Variants in PARP4 observed in about 807,000 individuals in gnomAD.
PARP4 encodes the protein poly(ADP-ribose) polymerase family member 4, also known as protein mono-ADP-ribosyltransferase PARP4.
In PARP4, 120 loss-of-function variants were observed where a neutral mutation model predicts 187.7. The observed-to-expected ratio is 0.64, with a 90% confidence interval of 0.55 to 0.74. The LOEUF (loss-of-function observed/expected upper bound fraction) is 0.74. Ranked by LOEUF, PARP4 falls within the 30% of genes least tolerant of loss-of-function variation. PARP4 has a pLI of 0.00. For synonymous variants in PARP4, 654 were observed against 740.9 expected, an observed-to-expected ratio of 0.88 and a Z score of 1.90; for missense variants, 1,836 against 2,070.5, an observed-to-expected ratio of 0.89 and a Z score of 2.20.
chr13:24,449,337 G>A (rs1162085553), intron 25 of PARP4, among the ~76,000 whole-genome samples: 6 of 143,802 alleles, frequency 4.2e-5, no homozygotes, highest in South Asian at 2.2e-4. Flanking sequence ...GCAGTGAGCC[G>A]AGATGGCGCC....
At chr13:24,491,937 C>G (rs977028698) in intron 9 of PARP4, among the ~76,000 whole-genome samples, 1 of 152,124 alleles carries the variant, frequency 6.6e-6, no homozygotes, top group Non-Finnish European at 1.5e-5. Flanking sequence ...CTGCAGATCA[C>G]GAGGAAGCCA....
intron 9 of PARP4, among the ~76,000 whole-genome samples, chr13:24,491,992 G>A (rs1157848144): frequency 6.6e-6 from 1 of 152,222 alleles, no homozygotes; most frequent in Non-Finnish European, 1.5e-5. Context: ...CAGAGGGACG[G>A]AAGGAGGCTG....
At position 24,491,602 on chromosome 13, in the gene PARP4, A is replaced by G. The variant is rs1868654104; in HGVS notation, c.1054-774T>C. ...TCTATAAACTCCTCTGAAGTCTAGG[A>G]CACAAATCTCTGATCTTGGCCAAAT... On this transcript the variant is annotated intron_variant, in intron 9 of 33. Transcript: ENST00000381989. Among the ~76,000 whole-genome samples, 3 of 152,218 alleles carry G rather than the reference A, an allele frequency of 2.0e-5. No homozygotes were observed. The South Asian group carries it at 6.2e-4, about 32-fold the overall frequency.
intron 11 of PARP4, 143 bp downstream of exon 11, chr13:24,486,025 G>A: frequency 1.5e-6 from 1 of 668,068 alleles, no homozygotes; most frequent in Non-Finnish European, 2.5e-6. Flanking sequence ...TATAAAGTGT[G>A]TAATTTTCTC....
rs775105112 is a variant in PARP4, at chr13:24,501,686, G to T, written c.281C>A (p.Pro94His). ...TGGTGTGATGTCCAGGGGCTTATAAGGATCATAATTCTTTACATCCAAGAG... is the reference window on the plus strand; with the variant it reads ...TGGTGTGATGTCCAGGGGCTTATAATGATCATAATTCTTTACATCCAAGAG... ...KRLLDVKNYDPYKPLDITPPP... is the reference protein window; with the variant it reads ...KRLLDVKNYDHYKPLDITPPP... Residue 94 changes from proline (P) to histidine (H), a missense_variant, in exon 3 of 34, where the codon CCT becomes CAT. Pro to His is a moderately conservative substitution (Grantham distance 77). Around this residue, in one of 8 missense-constraint regions of PARP4, gnomAD observed 1,147 missense variants for 1,214.2 expected, o/e 0.94. Transcript: ENST00000381989. The T allele has an allele frequency of 6.2e-7, 1 of 1,613,416 alleles. No homozygotes were observed. Among genetic ancestry groups the T allele is most frequent in the Non-Finnish European group, 8.5e-7 (1 of 1,179,420 alleles).
intron 2 of PARP4, 83 bp downstream of exon 2, chr13:24,503,562 C>T: frequency 2.0e-6 from 3 of 1,491,588 alleles, no homozygotes; most frequent in Admixed American, 1.7e-5. Context: ...TGCTGCTAAT[C>T]TCTGCTTCCT....
chr13:24,502,402 G>A (rs779176801), intron 2 of PARP4, among the ~76,000 whole-genome samples: 2 of 152,136 alleles, frequency 1.3e-5, no homozygotes, highest in African/African-American at 2.4e-5. Context: ...AAATAATGAC[G>A]ACGTATTAAC....
In PARP4 at chr13:24,452,504, G is replaced by C; in HGVS notation, c.2916C>G (p.Ile972Met). ...GGAGGTGCCCATCAGACACCAGGAG[G>C]ATGTTCCGTGACCCTCGAGCAGGGT... ...LLYPARGSRN[I>M]LLVSDGHLQD... The change falls in exon 24 of 34, where the codon ATC becomes ATG. Residue 972 changes from isoleucine to methionine, a missense_variant. Coordinates refer to ENST00000381989, the MANE Select transcript of PARP4 (RefSeq NM_006437.4). 2 of 1,614,122 alleles carry C rather than the reference G, an allele frequency of 1.2e-6. No homozygotes were observed. The highest frequency in any genetic ancestry group is 1.7e-6 in the Non-Finnish European group (2 of 1,179,968).
At chr13:24,488,702 A>G (rs922503270) in intron 10 of PARP4, among the ~76,000 whole-genome samples, 6 of 152,204 alleles carry the variant, frequency 3.9e-5, no homozygotes, top group African/African-American at 1.4e-4. Flanking sequence ...AAAATTAACC[A>G]TTAAGTGTAC....
At chr13:24,500,559 G>A (rs1305314527) in intron 3 of PARP4, among the ~76,000 whole-genome samples, 177 bp from the exon 4 acceptor site, 1 of 136,538 alleles carries the variant, frequency 7.3e-6, no homozygotes, top group African/African-American at 2.7e-5. Context: ...AAAATAGGGA[G>A]AACATACTCT....
chr13:24,490,374 T>G (rs1028907193), intron 10 of PARP4, among the ~76,000 whole-genome samples: 2 of 152,212 alleles, frequency 1.3e-5, no homozygotes, highest in Non-Finnish European at 2.9e-5. Context: ...AGTGGCTTTT[T>G]CTCTGTAATA....
intron 17 of PARP4, among the ~76,000 whole-genome samples, chr13:24,461,381 G>A (rs539454069): frequency 6.6e-6 from 1 of 152,288 alleles, no homozygotes; most frequent in African/African-American, 2.4e-5. Context: ...CTGTTTCTGG[G>A]TAGGATATAG....
At chr13:24,466,892 G>A (rs752090908) in intron 17 of PARP4, among the ~76,000 whole-genome samples, 1 of 151,810 alleles carries the variant, frequency 6.6e-6, no homozygotes, top group African/African-American at 2.4e-5. Flanking sequence ...GAAAAGCGAG[G>A]GAAAGGAACA....
rs765905740 is a variant in PARP4, at chr13:24,455,183, G to A, written c.2592C>T (p.Leu864=). Residue 864 remains leucine (L), a synonymous_variant, in exon 22 of 34, where the codon CTC becomes CTT. Coordinates refer to ENST00000381989, the MANE Select transcript of PARP4 (RefSeq NM_006437.4). The part of the protein sequence containing the change: ...EACMLVFQPD[L]DVDLPDLASE... Reference sequence around the variant, plus strand: ...TGGCTAGGTCAGGGAGGTCGACATCGAGATCGGGTTGAAAGACAAGCATGC... The same window carrying A: ...TGGCTAGGTCAGGGAGGTCGACATCAAGATCGGGTTGAAAGACAAGCATGC... 14 of 1,596,054 alleles carry A rather than the reference G, an allele frequency of 8.8e-6. No individual in the cohort carries two copies. The Admixed American group carries it at 1.8e-4, about 21-fold the overall frequency.
intron 1 of PARP4, among the ~76,000 whole-genome samples, chr13:24,510,602 A>T (rs1869964395): frequency 6.6e-6 from 1 of 151,606 alleles, no homozygotes; most frequent in Non-Finnish European, 1.5e-5. Context: ...ACTTTAATTA[A>T]AATGCTTGTA....
intron 9 of PARP4, among the ~76,000 whole-genome samples, chr13:24,492,034 G>A (rs1245107285): frequency 6.6e-6 from 1 of 152,184 alleles, no homozygotes; most frequent in African/African-American, 2.4e-5. Context: ...ACTGAGTCTC[G>A]GGGTGACCTG....
At chr13:24,439,103 T>C (rs1870785309) in intron 30 of PARP4, among the ~76,000 whole-genome samples, 1 of 152,186 alleles carries the variant, frequency 6.6e-6, no homozygotes, top group Admixed American at 6.5e-5. Flanking sequence ...TATGAAATAA[T>C]TTATCATCAC....
At chr13:24,456,100 G>A (rs1343686144) in intron 21 of PARP4, among the ~76,000 whole-genome samples, 2 of 152,090 alleles carry the variant, frequency 1.3e-5, no homozygotes, top group African/African-American at 4.8e-5. Flanking sequence ...TCTTTTGGTG[G>A]AGCTTAAGGT....
chr13:24,429,603 A>G (rs1280703694), intron 32 of PARP4, among the ~76,000 whole-genome samples: 1 of 152,104 alleles, frequency 6.6e-6, no homozygotes, highest in Non-Finnish European at 1.5e-5. Context: ...GTTTCAATGG[A>G]AAGATATTTA....
Sources: gnomAD v4.1 joint callset for allele counts (sites outside exome capture counted in the v4.1 genomes callset) on GRCh38, gnomAD v4.1.1 for gene constraint, gnomAD v4.1.1 regional missense constraint, MANE v1.5 for transcripts, NCBI Gene and HGNC (gene_info 2026-07-23, HGNC 2026-07-21) for gene names.